Variants in NR3C2 observed in about 807,000 individuals in gnomAD.
NR3C2 encodes the protein mineralocorticoid receptor.
Under a neutral mutation model 86.4 loss-of-function variants are expected in NR3C2, and 15 were observed. That is an observed-to-expected ratio of 0.17 (90% CI 0.12 to 0.27). NR3C2 has a LOEUF of 0.27. NR3C2 is among the 10% of genes least tolerant of loss of function. The pLI, the probability that NR3C2 is intolerant of heterozygous loss-of-function variation, is 1.00. For missense variants in NR3C2, 960 were observed against 1,195.6 expected (o/e 0.80, Z 2.91); for synonymous variants, 458 against 450.5 (o/e 1.02, Z -0.21).
intron 2 of NR3C2, among the ~76,000 whole-genome samples, chr4:148,429,723 C>A (rs550609435): frequency 6.6e-6 from 1 of 152,172 alleles, no homozygotes. Flanking sequence ...AAAATGAAGA[C>A]GCTATCCATT....
At chr4:148,329,806 C>T (rs1744144815) in intron 2 of NR3C2, among the ~76,000 whole-genome samples, 1 of 152,206 alleles carries the variant, frequency 6.6e-6, no homozygotes, top group South Asian at 2.1e-4. Context: ...ACAATTCGCT[C>T]AGTTAAAAAT....
chr4:148,235,075 A>G (rs1738678418), intron 3 of NR3C2, among the ~76,000 whole-genome samples: 1 of 152,144 alleles, frequency 6.6e-6, no homozygotes, highest in South Asian at 2.1e-4. Flanking sequence ...TCCTGGTTAC[A>G]GGAGGGTCCT....
intron 2 of NR3C2, among the ~76,000 whole-genome samples, chr4:148,280,108 G>T (rs143666404): frequency 6.6e-5 from 10 of 152,292 alleles, no homozygotes; most frequent in Middle Eastern, 3.4e-3. Flanking sequence ...TCAGGAAAAT[G>T]TAAACTTAAT....
At chr4:148,411,361 C>T (rs141030211) in intron 2 of NR3C2, among the ~76,000 whole-genome samples, 107 of 152,212 alleles carry the variant, frequency 7.0e-4, no homozygotes, top group African/African-American at 2.1e-3. Flanking sequence ...AAGATGTTAA[C>T]ATTTAATGAA....
At chr4:148,251,396 A>G (rs556350495) in intron 3 of NR3C2, among the ~76,000 whole-genome samples, 1 of 152,344 alleles carries the variant, frequency 6.6e-6, no homozygotes, top group South Asian at 2.1e-4. Context: ...TTCTGGTGTC[A>G]AATCATTCTC....
upstream of NR3C2, chr4:148,444,412 G>A (rs1750494478): frequency 2.0e-6 from 2 of 985,890 alleles, no homozygotes; most frequent in African/African-American, 1.7e-5. Context: ...ACCTCCGCTC[G>A]CCAACCCGCG....
chr4:148,144,215 T>C (rs955759545), intron 6 of NR3C2, among the ~76,000 whole-genome samples: 4 of 152,140 alleles, frequency 2.6e-5, no homozygotes, highest in African/African-American at 9.7e-5. Flanking sequence ...TTTTTTTTCT[T>C]TCTTTTTGAG....
intron 2 of NR3C2, among the ~76,000 whole-genome samples, chr4:148,390,781 C>T (rs1747505647): frequency 6.6e-6 from 1 of 151,996 alleles, no homozygotes; most frequent in Admixed American, 6.6e-5. Flanking sequence ...TTTTGACAGG[C>T]CCCAAAAATT....
intron 2 of NR3C2, among the ~76,000 whole-genome samples, chr4:148,428,875 G>A (rs576682367): frequency 6.6e-6 from 1 of 152,210 alleles, no homozygotes; most frequent in Admixed American, 6.5e-5. Flanking sequence ...CTCCTGCCAT[G>A]TCCTGCTCCA....
At chr4:148,195,475 T>C (rs1468853565) in intron 3 of NR3C2, among the ~76,000 whole-genome samples, 17 of 152,232 alleles carry the variant, frequency 1.1e-4, no homozygotes, top group Admixed American at 1.1e-3. Context: ...TAGGCACTAC[T>C]AGAGGCACTA....
At chr4:148,148,602 T>A (rs1263600502) in intron 6 of NR3C2, among the ~76,000 whole-genome samples, 1 of 152,194 alleles carries the variant, frequency 6.6e-6, no homozygotes, top group African/African-American at 2.4e-5. Flanking sequence ...TGTTTCTTCC[T>A]GACACTGGGC....
At chr4:148,108,381 C>G (rs7678730) in intron 8 of NR3C2, among the ~76,000 whole-genome samples, 135,533 of 152,226 alleles carry the variant, frequency 0.89, 60,546 homozygotes, top group South Asian at 0.94. Context: ...GGGATTACAG[C>G]TGGGAGCCAC....
intron 8 of NR3C2, among the ~76,000 whole-genome samples, chr4:148,084,401 ATATC>A (rs1730716367): frequency 6.6e-6 from 1 of 152,256 alleles, no homozygotes; most frequent in Non-Finnish European, 1.5e-5. Flanking sequence ...CCAGAATTTC[ATATC>A]TAGCTAAACT....
chr4:148,290,440 G>C lies in NR3C2; in HGVS notation c.1758-30323C>G, dbSNP rs530906867. Among the ~76,000 whole-genome samples the C allele has an allele frequency of 3.3e-5, 5 of 152,176 alleles. No homozygotes were observed. The South Asian group carries it at 1.0e-3, about 32-fold the overall frequency. ...CCAACTAATTTGTTTTTGAATTCTT[G>C]AACTACAGAAAATGTGAGATAGTAA... On this transcript the variant is annotated intron_variant, in intron 2 of 8. Transcript: ENST00000358102.
At chr4:148,383,257 G>GA (rs1003209089) in intron 2 of NR3C2, among the ~76,000 whole-genome samples, 2 of 151,996 alleles carry the variant, frequency 1.3e-5, no homozygotes, top group African/African-American at 2.4e-5. Flanking sequence ...TTCTGAGCTG[G>GA]AAAAAATCAA....
chr4:148,316,553 T>G (rs1195267254), intron 2 of NR3C2, among the ~76,000 whole-genome samples: 2 of 152,184 alleles, frequency 1.3e-5, no homozygotes, highest in South Asian at 2.1e-4. Flanking sequence ...TGTGAACATT[T>G]TGAGAAATAA....
At chr4:148,284,815 G>A (rs1258108194) in intron 2 of NR3C2, among the ~76,000 whole-genome samples, 1 of 152,188 alleles carries the variant, frequency 6.6e-6, no homozygotes, top group African/African-American at 2.4e-5. Flanking sequence ...ATTAATATGT[G>A]TTGACCTGAG....
intron 8 of NR3C2, among the ~76,000 whole-genome samples, chr4:148,111,522 A>G (rs1732045788): frequency 6.6e-6 from 1 of 152,254 alleles, no homozygotes; most frequent in South Asian, 2.1e-4. Context: ...AGACTTGTAC[A>G]TAAAGGTTCA....
intron 2 of NR3C2, among the ~76,000 whole-genome samples, chr4:148,434,858 G>T (rs180860822): frequency 6.6e-6 from 1 of 152,278 alleles, no homozygotes; most frequent in Non-Finnish European, 1.5e-5. Flanking sequence ...CAGGAAATGG[G>T]GAGTGCGGGA....
Sources: allele counts gnomAD v4.1 joint callset (sites outside exome capture counted in the v4.1 genomes callset), GRCh38; gene constraint gnomAD v4.1.1; transcripts MANE v1.5; gene names NCBI Gene and HGNC (gene_info 2026-07-23, HGNC 2026-07-21).